Variants in FIG4 observed in about 807,000 individuals in gnomAD.
FIG4 encodes the protein FIG4 phosphoinositide 5-phosphatase, also known as polyphosphoinositide phosphatase.
In FIG4, 112 loss-of-function variants were observed where a neutral mutation model predicts 118.6. That is an observed-to-expected ratio of 0.94 (90% CI 0.81 to 1.11). The LOEUF is 1.11. FIG4 is among the 50% of genes least tolerant of loss of function. The pLI is 0.00. For missense variants in FIG4, 969 were observed against 1,111.7 expected (o/e 0.87, Z 1.83); for synonymous variants, 369 against 381.2 (o/e 0.97, Z 0.37).
At chr6:109,729,160 G>A (rs552920821) in intron 4 of FIG4, among the ~76,000 whole-genome samples, 2 of 152,242 alleles carry the variant, frequency 1.3e-5, no homozygotes, top group Admixed American at 1.3e-4. Flanking sequence ...TCTCTGTAAT[G>A]CATGATTGTT....
At chr6:109,734,673 C>CTTAT (rs1196789816) in intron 5 of FIG4, among the ~76,000 whole-genome samples, 1 of 151,862 alleles carries the variant, frequency 6.6e-6, no homozygotes, top group African/African-American at 2.4e-5. Flanking sequence ...ATATTATTTG[C>CTTAT]TTATTTCTGT....
At chr6:109,716,304 G>T in intron 2 of FIG4, 141 bp from the exon 3 acceptor site, 1 of 794,160 alleles carries the variant, frequency 1.3e-6, no homozygotes. Flanking sequence ...TTTTAAAATT[G>T]TAGCTTACTT....
chr6:109,755,005 T>C (rs1776838769), intron 10 of FIG4, among the ~76,000 whole-genome samples: 1 of 152,188 alleles, frequency 6.6e-6, no homozygotes, highest in African/African-American at 2.4e-5. Context: ...CTCTTGCTTT[T>C]CTAGTTCTTT....
chr6:109,735,301 A>C lies in FIG4; in HGVS notation c.646+3A>C, dbSNP rs767755959. 16 of 1,612,340 alleles carry C rather than the reference A, an allele frequency of 9.9e-6. No homozygotes were observed. Among genetic ancestry groups the C allele is most frequent in the Non-Finnish European group, 1.4e-5 (16 of 1,178,556 alleles). On this transcript the variant is annotated splice_donor_region_variant and intron_variant, in intron 6 of 22. Transcript: ENST00000230124. ...ATTAATTACACAAGGTGGAAGCGGT[A>C]GGTGGTCTTGATATATCTAATGTAT...
In FIG4 at chr6:109,765,070, T is replaced by G; in HGVS notation, c.1492T>G (p.Phe498Val). 1 of 1,613,724 alleles carries G rather than the reference T, an allele frequency of 6.2e-7. No homozygotes were observed. The highest frequency in any genetic ancestry group is 8.5e-7 in the Non-Finnish European group (1 of 1,179,652). ...DCLDRTNTAQ[F>V]MVGKCALAYQ... ...TTTAGATCGCACCAACACAGCACAG[T>G]TTATGGTGGGAAAATGTGCTCTGGC... Residue 498 changes from phenylalanine to valine, a missense_variant, in exon 14 of 23, where the codon TTT becomes GTT. By Grantham distance (50) the Phe-to-Val change is conservative. This residue lies in a region of FIG4 where 246 missense variants were observed against 354.3 expected (regional missense o/e 0.69). Transcript: ENST00000230124.
At chr6:109,795,595 CTTTTTTTTTTTTTTTTT>C (rs72384711) in intron 21 of FIG4, among the ~76,000 whole-genome samples, 1 of 69,528 alleles carries the variant, frequency 1.4e-5, no homozygotes, top group African/African-American at 6.4e-5. Flanking sequence ...GGTTTCAGTC[CTTTTTTTTTTTTTTTTT>C]TTTTTTTTTG....
intron 22 of FIG4, among the ~76,000 whole-genome samples, chr6:109,799,790 G>C (rs573490471): frequency 6.6e-6 from 1 of 152,166 alleles, no homozygotes; most frequent in African/African-American, 2.4e-5. Context: ...TTTCAACCAC[G>C]GTCTTGCAGG....
At chr6:109,741,679 A>T in intron 8 of FIG4, 135 bp downstream of exon 8, 1 of 711,320 alleles carries the variant, frequency 1.4e-6, no homozygotes, top group Non-Finnish European at 2.5e-6. Context: ...GTTGCCTTTT[A>T]GTATCAACAA....
intron 12 of FIG4, 27 bp downstream of exon 12, chr6:109,762,234 A>G: frequency 7.4e-7 from 1 of 1,359,932 alleles, no homozygotes. Context: ...AAAACTTATA[A>G]TAAATGATGA....
chr6:109,707,907 A>C (rs1371625450), intron 1 of FIG4, among the ~76,000 whole-genome samples: 1 of 151,584 alleles, frequency 6.6e-6, no homozygotes, highest in African/African-American at 2.4e-5. Flanking sequence ...TTTTAGAATA[A>C]TTCATTTCAT....
At chr6:109,807,290 A>G (rs1215381465) in intron 22 of FIG4, among the ~76,000 whole-genome samples, 1 of 152,194 alleles carries the variant, frequency 6.6e-6, no homozygotes, top group East Asian at 1.9e-4. Flanking sequence ...TGACTTTTAA[A>G]TGATCACCAT....
chr6:109,730,109 T>G (rs1025757901), intron 4 of FIG4, among the ~76,000 whole-genome samples: 1 of 151,948 alleles, frequency 6.6e-6, no homozygotes, highest in Non-Finnish European at 1.5e-5. Context: ...AGTGCAGTGG[T>G]GCAATCTTGG....
At position 109,760,328 on chromosome 6, in the gene FIG4, C is replaced by T; in HGVS notation, c.1216C>T (p.Pro406Ser). ...TGTGACCTATCTCAACCAATTTTTG[C>T]CTCCTGAGCACACTATTGTTTATAT... Reference protein sequence around the residue: ...AAVTYLNQFLPPEHTIVYIPW... With the variant: ...AAVTYLNQFLSPEHTIVYIPW... The change falls in exon 11 of 23, where the codon CCT becomes TCT. Residue 406 changes from proline to serine, a missense_variant. By Grantham distance (74) the Pro-to-Ser change is moderately conservative (BLOSUM62 -1). Coordinates refer to ENST00000230124, the MANE Select transcript of FIG4 (RefSeq NM_014845.6). The T allele has an allele frequency of 1.2e-6, 2 of 1,612,228 alleles. No homozygotes were observed. The highest frequency in any genetic ancestry group is 1.7e-6 in the Non-Finnish European group (2 of 1,178,336).
intron 10 of FIG4, 110 bp from the exon 11 acceptor site, chr6:109,760,140 T>C: frequency 1.2e-6 from 1 of 853,664 alleles, no homozygotes; most frequent in East Asian, 2.6e-5. Context: ...TTTTAGTATA[T>C]TTAAGACTTG....
chr6:109,801,910 T>C (rs1306124970), intron 22 of FIG4, among the ~76,000 whole-genome samples: 2 of 152,250 alleles, frequency 1.3e-5, no homozygotes, highest in East Asian at 3.8e-4. Flanking sequence ...TGCAGCAAGC[T>C]GAATAAGTAT....
intron 22 of FIG4, among the ~76,000 whole-genome samples, chr6:109,800,317 C>T (rs1409606551): frequency 6.6e-6 from 1 of 152,158 alleles, no homozygotes; most frequent in Non-Finnish European, 1.5e-5. Context: ...CCTCTATATT[C>T]AGAAATATTC....
chr6:109,693,133 GAAT>G (rs1266687176), intron 1 of FIG4, among the ~76,000 whole-genome samples: 5 of 65,300 alleles, frequency 7.7e-5, no homozygotes, highest in African/African-American at 3.9e-4. Flanking sequence ...AGTAAACTCT[GAAT>G]CCCTTAGTTG....
At chr6:109,814,815 A>T (rs1778815449) in intron 22 of FIG4, among the ~76,000 whole-genome samples, 1 of 152,080 alleles carries the variant, frequency 6.6e-6, no homozygotes, top group African/African-American at 2.4e-5. Context: ...CCAGCCCTGA[A>T]ATCATTTCTC....
At chr6:109,731,548 G>GA (rs1198144299) in intron 4 of FIG4, among the ~76,000 whole-genome samples, 3 of 152,006 alleles carry the variant, frequency 2.0e-5, no homozygotes, top group Admixed American at 2.0e-4. Flanking sequence ...GAAAATACTT[G>GA]AAAAAAACTG....
Sources: allele counts gnomAD v4.1 joint callset (sites outside exome capture counted in the v4.1 genomes callset), GRCh38; gene constraint gnomAD v4.1.1; regional missense constraint gnomAD v4.1.1; transcripts MANE v1.5; gene names NCBI Gene and HGNC (gene_info 2026-07-23, HGNC 2026-07-21).